Variants in MPDZ observed in about 807,000 individuals in gnomAD.
The protein encoded by MPDZ is multiple PDZ domain crumbs cell polarity complex component, also known as multiple PDZ domain protein.
Under a neutral mutation model 239.1 loss-of-function variants are expected in MPDZ, and 234 were observed. That is an observed-to-expected ratio of 0.98 (90% CI 0.88 to 1.09). MPDZ has a LOEUF of 1.09. MPDZ is among the 50% of genes least tolerant of loss of function. MPDZ has a pLI of 0.00. For synonymous variants in MPDZ, 1,048 were observed against 881.3 expected, an observed-to-expected ratio of 1.19 and a Z score of -3.35; for missense variants, 3,175 against 2,510.0, an observed-to-expected ratio of 1.26 and a Z score of -5.66.
chr9:13,250,764 G>C (rs1325310383), intron 1 of MPDZ, among the ~76,000 whole-genome samples: 1 of 152,038 alleles, frequency 6.6e-6, no homozygotes, highest in Non-Finnish European at 1.5e-5. Flanking sequence ...ATCATAAAAA[G>C]TAGAAAATGT....
At chr9:13,258,540 A>G (rs947860732) in intron 1 of MPDZ, among the ~76,000 whole-genome samples, 1 of 152,206 alleles carries the variant, frequency 6.6e-6, no homozygotes, top group Admixed American at 6.5e-5. Flanking sequence ...GTAGTTTTTC[A>G]TAAATCCAAT....
intron 1 of MPDZ, among the ~76,000 whole-genome samples, chr9:13,254,477 T>C (rs1461649170): frequency 1.3e-5 from 2 of 152,228 alleles, no homozygotes; most frequent in South Asian, 2.1e-4. Context: ...ATTGTTGTAA[T>C]TGTTCAATTT....
At chr9:13,276,625 G>C (rs867809495) in intron 1 of MPDZ, 3 of 152,210 alleles carry the variant, frequency 2.0e-5, no homozygotes, top group Non-Finnish European at 4.4e-5. Context: ...TCTCTTTAAA[G>C]TGTAGGATCT....
chr9:13,115,928 A>T (rs1051360516), intron 39 of MPDZ, among the ~76,000 whole-genome samples: 9 of 139,886 alleles, frequency 6.4e-5, no homozygotes, highest in Non-Finnish European at 1.4e-4. Flanking sequence ...TGGGTGACAG[A>T]GCGAGACTTG....
chr9:13,108,135 T>G (rs1941799135), intron 46 of MPDZ, among the ~76,000 whole-genome samples: 1 of 152,164 alleles, frequency 6.6e-6, no homozygotes, highest in Non-Finnish European at 1.5e-5. Flanking sequence ...TGTATCAAAT[T>G]TTTAAACACG....
chr9:13,253,121 G>C (rs907878768), intron 1 of MPDZ, among the ~76,000 whole-genome samples: 1 of 151,892 alleles, frequency 6.6e-6, no homozygotes, highest in Non-Finnish European at 1.5e-5. Context: ...GTACAGCGTA[G>C]GCAGTTCCTA....
intron 22 of MPDZ, among the ~76,000 whole-genome samples, chr9:13,166,394 A>G (rs1199331130): frequency 6.6e-6 from 1 of 152,036 alleles, no homozygotes; most frequent in Non-Finnish European, 1.5e-5. Flanking sequence ...AAAATCTAAC[A>G]TATTTTTTTT....
chr9:13,198,152 G>A (rs150313166), intron 12 of MPDZ, among the ~76,000 whole-genome samples: 58 of 152,100 alleles, frequency 3.8e-4, no homozygotes, highest in African/African-American at 1.3e-3. Context: ...TTAACTGTTC[G>A]TTTTTTGAGG....
At chr9:13,181,652 AAAAT>A (rs1255726920) in intron 19 of MPDZ, among the ~76,000 whole-genome samples, 2 of 152,192 alleles carry the variant, frequency 1.3e-5, no homozygotes, top group Non-Finnish European at 2.9e-5. Context: ...TGGGGAAAAC[AAAAT>A]AAATAAATAC....
chr9:13,187,351 A>G (rs1446440638), intron 17 of MPDZ, among the ~76,000 whole-genome samples: 1 of 152,154 alleles, frequency 6.6e-6, no homozygotes, highest in Non-Finnish European at 1.5e-5. Flanking sequence ...TAAGGACAGT[A>G]AAACTAAAAG....
chr9:13,155,289 T>C (rs1949681626), intron 24 of MPDZ, among the ~76,000 whole-genome samples: 1 of 152,154 alleles, frequency 6.6e-6, no homozygotes, highest in South Asian at 2.1e-4. Context: ...AAAATGCATA[T>C]AAACTTACAG....
chr9:13,154,147 G>T (rs762999867), intron 24 of MPDZ, among the ~76,000 whole-genome samples: 1 of 152,076 alleles, frequency 6.6e-6, no homozygotes, highest in Non-Finnish European at 1.5e-5. Context: ...ACCCTCCCTG[G>T]AAGTAAAGGT....
At chr9:13,246,115 T>C (rs1236017867) in intron 3 of MPDZ, among the ~76,000 whole-genome samples, 2 of 152,150 alleles carry the variant, frequency 1.3e-5, no homozygotes, top group Admixed American at 1.3e-4. Context: ...GATACTGGTT[T>C]CTCCAAAAGC....
intron 16 of MPDZ, among the ~76,000 whole-genome samples, chr9:13,189,819 AAAT>A (rs1954646478): frequency 6.6e-6 from 1 of 152,198 alleles, no homozygotes; most frequent in South Asian, 2.1e-4. Flanking sequence ...ATGAGTCATC[AAAT>A]AAGCCCATGG....
intron 3 of MPDZ, among the ~76,000 whole-genome samples, chr9:13,245,041 G>A (rs979997479): frequency 6.6e-6 from 1 of 152,096 alleles, no homozygotes; most frequent in Non-Finnish European, 1.5e-5. Flanking sequence ...GGTAAGGTAT[G>A]AGGTAATAAA....
Position 13,204,396 on chromosome 9 carries a change from T to C in MPDZ, c.1546+640A>G, listed in dbSNP as rs1325063024. 2.6e-5 allele frequency among the ~76,000 whole-genome samples: 4 copies of C among 152,164 alleles called. 1 individual carries two copies. The South Asian group carries it at 8.3e-4, about 31-fold the overall frequency. ...TGAGGTCAGGAGTTTGAGATCAGCC[T>C]GGCCAACATGGCGAAATCTGTCTCT... is the stretch of plus-strand genomic sequence containing the variant. On this transcript the variant is annotated intron_variant, in intron 12 of 46. Coordinates refer to ENST00000319217, the MANE Select transcript of MPDZ (RefSeq NM_001378778.1).
intron 3 of MPDZ, among the ~76,000 whole-genome samples, chr9:13,242,773 G>C (rs923766339): frequency 6.6e-6 from 1 of 152,068 alleles, no homozygotes; most frequent in African/African-American, 2.4e-5. Flanking sequence ...TCCATACCAG[G>C]GTTTCTCAAC....
At chr9:13,147,451 C>T in intron 26 of MPDZ, 97 bp downstream of exon 26, 2 of 856,958 alleles carry the variant, frequency 2.3e-6, no homozygotes, top group Non-Finnish European at 3.9e-6. Flanking sequence ...TGAAAAATCA[C>T]TATCTTTACT....
rs566500493 is a variant in MPDZ at position 13,162,882 on chromosome 9, T to C, written c.3255-87A>G. Reference sequence around the variant, plus strand: ...AAGCTTCTAAAATAAAGGAAACAAATCATATTGTCCCTTTCTCCCTACTTT... The same window carrying C: ...AAGCTTCTAAAATAAAGGAAACAAACCATATTGTCCCTTTCTCCCTACTTT... On this transcript the variant is annotated intron_variant, in intron 22 of 46. Transcript: ENST00000319217. The C allele has an allele frequency of 9.4e-5, 80 of 849,068 alleles. No individual in the cohort carries two copies. The East Asian group carries it at 2.0e-3, about 21-fold the overall frequency. 52.6% of individuals were successfully genotyped at this position (849,068 alleles called of 1,614,324 possible). A position where few individuals can be genotyped will look rare whatever the true frequency, so the allele number is the denominator to read the frequency against.
Sources: gnomAD v4.1 joint callset for allele counts (sites outside exome capture counted in the v4.1 genomes callset) on GRCh38, gnomAD v4.1.1 for gene constraint, MANE v1.5 for transcripts, NCBI Gene and HGNC (gene_info 2026-07-23, HGNC 2026-07-21) for gene names.